The following POLD3 variants were observed in gnomAD, a reference collection of about 807,000 sequenced individuals.
POLD3 encodes DNA polymerase delta 3, accessory subunit.
A neutral mutation model predicts 58.2 loss-of-function variants in POLD3; 19 were observed. The ratio of observed to expected loss-of-function variants is 0.33; its 90% confidence interval spans 0.23 to 0.48. The LOEUF is 0.48. Among genes scored for constraint, POLD3 ranks in the 20% least tolerant of loss-of-function variants. POLD3 has a pLI of 0.99. For synonymous variants in POLD3, 172 were observed against 193.5 expected (o/e 0.89, Z 0.92); for missense variants, 504 against 545.5 (o/e 0.92, Z 0.76).
chr11:74,661,066 T>C (rs1040647799), intron 4 of POLD3, among the ~76,000 whole-genome samples: 1 of 152,074 alleles, frequency 6.6e-6, no homozygotes, highest in Admixed American at 6.5e-5. Context: ...TTCAATCCCT[T>C]TGTTAAATTT....
At chr11:74,638,432 G>A (rs942389117) in intron 11 of POLD3, among the ~76,000 whole-genome samples, 1 of 152,144 alleles carries the variant, frequency 6.6e-6, no homozygotes, top group Non-Finnish European at 1.5e-5. Flanking sequence ...TGATGCTGAA[G>A]TATAATGTAG....
In POLD3 at chr11:74,641,184, C is replaced by T; in HGVS notation, c.*418C>T. The T allele has an allele frequency of 1.0e-6, 1 of 986,536 alleles. No homozygotes were observed. The highest frequency in any genetic ancestry group is 1.7e-5 in the African/African-American group (1 of 57,386). The allele number at this position is 986,536 out of a possible 1,614,324, so 61.1% of individuals were successfully genotyped here. On this transcript the variant is annotated 3_prime_UTR_variant, in exon 12 of 12. Transcript: ENST00000263681. ...AGAATTCATGTGGGTGTTTCTTATC[C>T]TTACATTCTGCTGGATACGTTTACC...
At chr11:74,624,724 A>G (rs10899020) in intron 7 of POLD3, among the ~76,000 whole-genome samples, 60,579 of 151,998 alleles carry the variant, frequency 0.4, 13,700 homozygotes, top group Non-Finnish European at 0.51. Flanking sequence ...AGCTTGGTGT[A>G]GGGAAAGGGT....
chr11:74,604,935 G>A, intron 3 of POLD3, 141 bp downstream of exon 3: 1 of 568,480 alleles, frequency 1.8e-6, no homozygotes, highest in Non-Finnish European at 3.1e-6. Context: ...TGATTATTTT[G>A]GATTTTTAGA....
Position 74,655,957 on chromosome 11 carries a change from T to C in POLD3, c.370-12820T>C, listed in dbSNP as rs183416721. Among the ~76,000 whole-genome samples, 74 of 152,298 alleles carry C rather than the reference T, an allele frequency of 4.9e-4. 1 individual carries two copies. Among genetic ancestry groups the C allele is most frequent in the Middle Eastern group, 6.8e-3 (2 of 294 alleles). ...GCAAGTAATCTACAAAACAAAAATC[T>C]AGGGCTAATATGTGAATTTAGTAAC... On this transcript the variant is annotated intron_variant, in intron 4 of 4. Coordinates refer to the POLD3 transcript ENST00000524752.
intron 2 of POLD3, among the ~76,000 whole-genome samples, chr11:74,595,815 G>A (rs564698587): frequency 3.4e-4 from 52 of 152,188 alleles, no homozygotes; most frequent in Non-Finnish European, 6.0e-4. Context: ...ATGGAGTCCC[G>A]CCATGTTTCC....
chr11:74,614,906 G>A (rs1462448616), intron 5 of POLD3, among the ~76,000 whole-genome samples: 2 of 152,132 alleles, frequency 1.3e-5, no homozygotes, highest in Admixed American at 1.3e-4. Context: ...TTGGGTTTTA[G>A]AGATGTTGAG....
downstream of POLD3, among the ~76,000 whole-genome samples, chr11:74,646,889 C>T (rs891104958): frequency 3.3e-5 from 5 of 152,282 alleles, no homozygotes; most frequent in Admixed American, 2.0e-4. Context: ...AGCATAATGA[C>T]GGTACAGTGC....
At chr11:74,594,212 G>C in intron 2 of POLD3, 96 bp downstream of exon 2, 1 of 748,072 alleles carries the variant, frequency 1.3e-6, no homozygotes, top group East Asian at 2.5e-5. Context: ...ACATAGATTA[G>C]AGCTAATTTG....
At chr11:74,614,448 C>T (rs1280663) in intron 5 of POLD3, among the ~76,000 whole-genome samples, 1 of 152,116 alleles carries the variant, frequency 6.6e-6, no homozygotes, top group Non-Finnish European at 1.5e-5. Flanking sequence ...CAGTGGCTCA[C>T]GCCTGTAATC....
intron 8 of POLD3, 60 bp from the exon 9 acceptor site, chr11:74,629,157 T>C (rs1591312234): frequency 1.0e-6 from 1 of 967,590 alleles, no homozygotes; most frequent in Non-Finnish European, 1.6e-6. Flanking sequence ...CATAAGAGCA[T>C]GTGAATACTT....
At position 74,640,771 on chromosome 11, in the gene POLD3, C is replaced by T. The variant is rs756251535; in HGVS notation, c.*5C>T. The stretch of plus-strand genomic sequence containing the variant: ...GGCTTCTTCCAGAGGAAATAAACTG[C>T]CATCTCTGGTAGATCAGAGACTTGG... On this transcript the variant is annotated 3_prime_UTR_variant, in exon 12 of 12. Transcript: ENST00000263681. 1.3e-6 allele frequency: 2 copies of T among 1,577,130 alleles called. No homozygotes were observed. Among genetic ancestry groups the T allele is most frequent in the South Asian group, 2.4e-5 (2 of 83,798 alleles).
At position 74,652,347 on chromosome 11, in the gene POLD3, A is replaced by G. The variant is rs1253527714; in HGVS notation, c.369+16072A>G. Among the ~76,000 whole-genome samples the G allele has an allele frequency of 2.6e-5, 4 of 152,352 alleles. No individual in the cohort carries two copies. In the East Asian group the frequency reaches 7.7e-4, roughly 29 times the overall value. ...GAATAGAATTACTGTGTCAAAGGAT[A>G]TACATTTTAAGAAACTTTTCATACA... On this transcript the variant is annotated intron_variant, in intron 4 of 4. Coordinates refer to the POLD3 transcript ENST00000524752.
At chr11:74,601,757 G>A (rs1265607285) in intron 2 of POLD3, among the ~76,000 whole-genome samples, 1 of 152,122 alleles carries the variant, frequency 6.6e-6, no homozygotes, top group Non-Finnish European at 1.5e-5. Context: ...ACTTCAGCCT[G>A]GGCGACAGAG....
intron 4 of POLD3, among the ~76,000 whole-genome samples, chr11:74,649,710 G>T (rs1339205867): frequency 2.6e-5 from 4 of 151,802 alleles, no homozygotes; most frequent in African/African-American, 7.3e-5. Context: ...AAAGCAGCAA[G>T]AGACAGTTGC....
At chr11:74,645,373 G>A (rs1406057693), downstream of POLD3, among the ~76,000 whole-genome samples, 1 of 152,166 alleles carries the variant, frequency 6.6e-6, no homozygotes, top group Non-Finnish European at 1.5e-5. Flanking sequence ...GAGAAAGCAA[G>A]CAGTTATCAG....
chr11:74,628,605 T>A (rs935972589), intron 8 of POLD3, among the ~76,000 whole-genome samples: 8 of 152,122 alleles, frequency 5.3e-5, no homozygotes, highest in Non-Finnish European at 8.8e-5. Context: ...TAGGATTTTT[T>A]TTATTATTAT....
At chr11:74,612,706 C>G (rs556779634) in intron 4 of POLD3, among the ~76,000 whole-genome samples, 172 bp from the exon 5 acceptor site, 106 of 152,306 alleles carry the variant, frequency 7.0e-4, no homozygotes, top group African/African-American at 2.5e-3. Context: ...CATAATGTCC[C>G]CATTGCAGAC....
rs903997916 is a variant in POLD3, at chr11:74,633,664, T to C, written c.1007-919T>C. ...TTGAGGATTTTTACTTCCCCTCTCA[T>C]GGGCTGTTTACTAAGACCACCAATT... On this transcript the variant is annotated intron_variant, in intron 9 of 11. Coordinates refer to ENST00000263681, the MANE Select transcript of POLD3 (RefSeq NM_006591.3). Among the ~76,000 whole-genome samples, 4 of 152,344 alleles carry C rather than the reference T, an allele frequency of 2.6e-5. No homozygotes were observed. In the East Asian group the frequency reaches 5.8e-4, roughly 22 times the overall value.
Sources: gnomAD v4.1 joint callset for allele counts (sites outside exome capture counted in the v4.1 genomes callset) on GRCh38, gnomAD v4.1.1 for gene constraint, MANE v1.5 for transcripts, NCBI Gene and HGNC (gene_info 2026-07-23, HGNC 2026-07-21) for gene names.